NAV1: variants seen among roughly 807,000 people sequenced by gnomAD.
NAV1 encodes pore membrane and/or filament interacting like protein 3.
NAV1 carries 18 observed loss-of-function variants against 175.2 expected under a neutral mutation model. The observed-to-expected ratio is 0.10, with a 90% CI of 0.07 to 0.15. The LOEUF is 0.15. NAV1 is among the 10% of genes least tolerant of loss of function. The pLI is 1.00. For missense variants in NAV1, 1,731 were observed against 2,436.6 expected (o/e 0.71, Z 6.10); for synonymous variants, 897 against 978.7 (o/e 0.92, Z 1.56).
chr1:201,651,585 T>C (rs183891851), intron 1 of NAV1, among the ~76,000 whole-genome samples: 7 of 152,230 alleles, frequency 4.6e-5, no homozygotes, highest in African/African-American at 9.6e-5. Context: ...GTCAAAAGCA[T>C]TGAGGGCCTT....
In NAV1 at chr1:201,650,544, G is replaced by A. The variant is rs142460823; in HGVS notation, c.757+1119G>A. 6.1e-3 allele frequency among the ~76,000 whole-genome samples: 932 copies of A among 152,352 alleles called. 9 individuals carry two copies. The highest frequency in any genetic ancestry group is 0.021 in the African/African-American group (867 of 41,578). On this transcript the variant is annotated intron_variant, in intron 1 of 29. Transcript: ENST00000367296. ...TGCCCGCCCGCTGGGGGCTGGGAAG[G>A]GGCGTGCCAATGCGCGTGTGAAAGG... is the stretch of plus-strand genomic sequence containing the variant.
upstream of NAV1, among the ~76,000 whole-genome samples, chr1:201,621,680 G>T (rs1668175269): frequency 6.6e-6 from 1 of 152,072 alleles, no homozygotes; most frequent in South Asian, 2.1e-4. Context: ...CTTTTGAAAA[G>T]GTTTTTTGCC....
intron 2 of NAV1, among the ~76,000 whole-genome samples, chr1:201,611,122 CTGCCCACTCTGCCCA>C (rs1001848330): frequency 1.3e-5 from 2 of 152,208 alleles, no homozygotes; most frequent in Non-Finnish European, 2.9e-5. Context: ...TGCCAAGGCT[CTGCCCACTCTGCCCA>C]TGCCCACTCT....
In NAV1 at chr1:201,812,439, C is replaced by G. The variant is rs1286572985; in HGVS notation, c.5025-26C>G. 16 of 1,612,152 alleles carry G rather than the reference C, an allele frequency of 9.9e-6. No homozygotes were observed. The highest frequency in any genetic ancestry group is 1.3e-5 in the Non-Finnish European group (15 of 1,179,006). Reference sequence around the variant, plus strand: ...ACAATGTCCCCATTGCCACTCTGACCCCACTTTCCCCATCCTTGGTGGCAG... The same window carrying G: ...ACAATGTCCCCATTGCCACTCTGACGCCACTTTCCCCATCCTTGGTGGCAG... On this transcript the variant is annotated intron_variant, in intron 26 of 29. Transcript: ENST00000367296. The surrounding 1 kb of genome is among the most constrained non-coding windows in gnomAD (Gnocchi z 4.6).
chr1:201,725,175 G>T (rs1381888543), intron 3 of NAV1, among the ~76,000 whole-genome samples: 1 of 152,198 alleles, frequency 6.6e-6, no homozygotes, highest in African/African-American at 2.4e-5. Context: ...AATGAGCACT[G>T]GGTTTATGTG....
chr1:201,809,481 G>T, exon 22 of NAV1: 4 of 1,614,134 alleles, frequency 2.5e-6, no homozygotes, highest in Non-Finnish European at 3.4e-6. Context: ...CTGTAGCAAG[G>T]TCAGTGGAAA....
chr1:201,610,799 C>T (rs1667822087), intron 2 of NAV1, among the ~76,000 whole-genome samples: 1 of 152,154 alleles, frequency 6.6e-6, no homozygotes, highest in Non-Finnish European at 1.5e-5. Context: ...CTATAAATAA[C>T]AGGAAGCTTA....
At chr1:201,713,034 T>C in intron 2 of NAV1, 115 bp downstream of exon 6, 1 of 708,126 alleles carries the variant, frequency 1.4e-6, no homozygotes, top group Non-Finnish European at 2.6e-6. Flanking sequence ...CCAGGTGGCC[T>C]GATGCGTGGA....
intron 1 of NAV1, among the ~76,000 whole-genome samples, chr1:201,572,079 G>A (rs1448554855): frequency 6.6e-6 from 1 of 152,214 alleles, no homozygotes; most frequent in Admixed American, 6.5e-5. Context: ...ATATGAGAGA[G>A]TGTTTTACTC....
At chr1:201,615,495 C>A (rs925643781) in intron 2 of NAV1, among the ~76,000 whole-genome samples, 1 of 152,086 alleles carries the variant, frequency 6.6e-6, no homozygotes, top group Admixed American at 6.5e-5. Flanking sequence ...GAACCCCTGA[C>A]CTCGTGATCC....
chr1:201,621,108 T>G (rs1668154947), upstream of NAV1, among the ~76,000 whole-genome samples: 1 of 151,754 alleles, frequency 6.6e-6, no homozygotes, highest in South Asian at 2.1e-4. Flanking sequence ...TTTATTTTTA[T>G]GTTTTGTAGA....
intron 1 of NAV1, among the ~76,000 whole-genome samples, chr1:201,685,954 A>G (rs1319890702): frequency 6.6e-6 from 1 of 152,220 alleles, no homozygotes; most frequent in Non-Finnish European, 1.5e-5. Flanking sequence ...ATACCCCTGA[A>G]TGCAGTCTTG....
chr1:201,574,358 G>A (rs1351516337), intron 1 of NAV1, among the ~76,000 whole-genome samples: 1 of 152,126 alleles, frequency 6.6e-6, no homozygotes, highest in Non-Finnish European at 1.5e-5. Context: ...CAGGTGGCAT[G>A]AGAATTGGAC....
intron 3 of NAV1, among the ~76,000 whole-genome samples, chr1:201,749,992 A>G (rs1674003745): frequency 6.6e-6 from 1 of 152,222 alleles, no homozygotes; most frequent in African/African-American, 2.4e-5. Context: ...AAAACTCTAG[A>G]GGATTTTGCT....
Position 201,787,527 on chromosome 1 carries a change from A to G in NAV1, c.2996-941A>G, listed in dbSNP as rs566734778. The G allele has an allele frequency of 2.3e-4, 89 of 393,846 alleles. 1 individual carries two copies. The highest frequency in any genetic ancestry group is 1.6e-3 in the South Asian group (83 of 52,310). The allele number at this position is 393,846 out of a possible 1,614,324, so 24.4% of individuals were successfully genotyped here. A position where few individuals can be genotyped will look rare whatever the true frequency, so the allele number is the denominator to read the frequency against. Reference sequence around the variant, plus strand: ...GGAGGATGGGGCCAGCTTGTTCTCTATCTCCATTGAAGACCAAATAAGAAG... The same window carrying G: ...GGAGGATGGGGCCAGCTTGTTCTCTGTCTCCATTGAAGACCAAATAAGAAG... On this transcript the variant is annotated intron_variant, in intron 9 of 29. Transcript: ENST00000367296. This position sits in a 1 kb window ranked among gnomAD's most constrained non-coding sequence, Gnocchi z 4.3.
intron 1 of NAV1, among the ~76,000 whole-genome samples, chr1:201,542,660 G>A (rs1471239951): frequency 1.3e-5 from 2 of 152,136 alleles, no homozygotes; most frequent in East Asian, 1.9e-4. Context: ...ACTCTGACCT[G>A]CCTGTGGATG....
chr1:201,754,259 A>T (rs1386391126), intron 3 of NAV1, among the ~76,000 whole-genome samples: 1 of 152,180 alleles, frequency 6.6e-6, no homozygotes, highest in African/African-American at 2.4e-5. Flanking sequence ...TCCCAAGGGA[A>T]TAGGTAGAAG....
intron 3 of NAV1, among the ~76,000 whole-genome samples, chr1:201,765,381 C>CTTTTT (rs59583786): frequency 3.3e-4 from 33 of 98,600 alleles, no homozygotes; most frequent in East Asian, 6.3e-4. Context: ...AGGAAATATT[C>CTTTTT]TTTTTTTTTT....
intron 1 of NAV1, among the ~76,000 whole-genome samples, chr1:201,701,263 G>C (rs995460656): frequency 3.3e-5 from 5 of 151,122 alleles, no homozygotes; most frequent in Admixed American, 2.0e-4. Context: ...GGCCTGTTGT[G>C]GGGGTGGGGA....
Sources: gnomAD v4.1 joint callset for allele counts (sites outside exome capture counted in the v4.1 genomes callset) on GRCh38, gnomAD v4.1.1 for gene constraint, Gnocchi (gnomAD v3.1) non-coding constraint, MANE v1.5 for transcripts, NCBI Gene and HGNC (gene_info 2026-07-23, HGNC 2026-07-21) for gene names.